The following CDH13 variants were observed in gnomAD, a reference collection of about 807,000 sequenced individuals.
CDH13 encodes the protein cadherin-13.
A neutral mutation model predicts 63.8 loss-of-function variants in CDH13; 24 were observed. The ratio of observed to expected loss-of-function variants is 0.38; its 90% CI spans 0.27 to 0.53. The LOEUF (loss-of-function observed/expected upper bound fraction) is 0.53. Ranked by LOEUF, CDH13 falls within the 20% of genes least tolerant of loss-of-function variation. The pLI, the probability that CDH13 is intolerant of heterozygous loss-of-function variation, is 0.85. For synonymous variants in CDH13, 503 were observed against 355.3 expected (o/e 1.42, Z -4.67); for missense variants, 1,049 against 903.1 (o/e 1.16, Z -2.07).
chr16:83,123,928 G>A lies in CDH13; in HGVS notation c.367-1457G>A, dbSNP rs149075914. ...TGGTATAAGATGATATCGCATTGTCGTTTCAATTTGCATTTCTCTGATGAT... is the reference window on the plus strand; with the variant it reads ...TGGTATAAGATGATATCGCATTGTCATTTCAATTTGCATTTCTCTGATGAT... On this transcript the variant is annotated intron_variant, in intron 3 of 13. Transcript: ENST00000567109. 1.3e-4 allele frequency among the ~76,000 whole-genome samples: 20 copies of A among 152,156 alleles called. No homozygotes were observed. The East Asian group carries it at 1.5e-3, about 12-fold the overall frequency.
At chr16:83,555,961 A>G (rs1017134443) in intron 7 of CDH13, among the ~76,000 whole-genome samples, 1 of 152,220 alleles carries the variant, frequency 6.6e-6, no homozygotes, top group Non-Finnish European at 1.5e-5. Context: ...GAGATAGACA[A>G]AGCTATGGCC....
intron 2 of CDH13, among the ~76,000 whole-genome samples, chr16:82,985,937 C>T (rs1296306743): frequency 1.3e-5 from 2 of 152,104 alleles, no homozygotes; most frequent in African/African-American, 4.8e-5. Context: ...TTTCACCTTC[C>T]ACCATGACTG....
At chr16:82,633,616 A>T (rs981530691) in intron 1 of CDH13, among the ~76,000 whole-genome samples, 1 of 152,076 alleles carries the variant, frequency 6.6e-6, no homozygotes, top group Non-Finnish European at 1.5e-5. Flanking sequence ...TGACCTCGTG[A>T]TCCACCTGCC....
intron 5 of CDH13, among the ~76,000 whole-genome samples, chr16:83,317,858 G>A (rs1254212821): frequency 6.6e-6 from 1 of 151,864 alleles, no homozygotes; most frequent in Non-Finnish European, 1.5e-5. Context: ...TCCCAAGTGG[G>A]GAAACTGAGG....
intron 1 of CDH13, among the ~76,000 whole-genome samples, chr16:82,774,156 G>A (rs1206388030): frequency 6.6e-6 from 1 of 151,958 alleles, no homozygotes; most frequent in African/African-American, 2.4e-5. Flanking sequence ...TTCCCTAATT[G>A]GTTGCCAACA....
chr16:83,586,768 G>T (rs1281424749), intron 7 of CDH13, among the ~76,000 whole-genome samples: 2 of 152,138 alleles, frequency 1.3e-5, no homozygotes, highest in East Asian at 3.9e-4. Flanking sequence ...ATAAAATCAC[G>T]GGGGGAGCCT....
intron 5 of CDH13, among the ~76,000 whole-genome samples, chr16:83,324,440 C>G (rs930805075): frequency 1.3e-5 from 2 of 152,192 alleles, no homozygotes; most frequent in African/African-American, 2.4e-5. Context: ...AACCACCAGT[C>G]TACTTCTTGT....
At chr16:83,240,722 T>G (rs1438383534) in intron 5 of CDH13, among the ~76,000 whole-genome samples, 9 of 77,662 alleles carry the variant, frequency 1.2e-4, no homozygotes, top group South Asian at 3.9e-4. Context: ...TTAATCTTTT[T>G]TTTTTTTTTT....
chr16:83,197,730 A>G (rs1360656112), intron 4 of CDH13, among the ~76,000 whole-genome samples: 1 of 152,030 alleles, frequency 6.6e-6, no homozygotes, highest in African/African-American at 2.4e-5. Flanking sequence ...ACGCAAGCCA[A>G]TACGTAGATA....
chr16:82,911,488 C>G (rs2041828290), intron 2 of CDH13, among the ~76,000 whole-genome samples: 1 of 152,146 alleles, frequency 6.6e-6, no homozygotes, highest in African/African-American at 2.4e-5. Context: ...TTGATGTTGC[C>G]TCCTGCCTGC....
intron 4 of CDH13, among the ~76,000 whole-genome samples, chr16:83,181,849 T>G (rs2038357892): frequency 6.6e-6 from 1 of 152,126 alleles, no homozygotes; most frequent in African/African-American, 2.4e-5. Flanking sequence ...TTGCATAGAT[T>G]TCCCATGGAG....
At chr16:82,888,462 T>C (rs1298240626) in intron 2 of CDH13, among the ~76,000 whole-genome samples, 2 of 152,182 alleles carry the variant, frequency 1.3e-5, no homozygotes, top group Non-Finnish European at 2.9e-5. Context: ...ACAGGGCAAA[T>C]GCCCCAGTGC....
intron 1 of CDH13, among the ~76,000 whole-genome samples, chr16:82,856,390 GAA>G (rs1234339038): frequency 8.5e-5 from 2 of 23,432 alleles, no homozygotes; most frequent in Non-Finnish European, 1.9e-4. Flanking sequence ...AAAAAAAAAA[GAA>G]AAGAAAAGAA....
intron 7 of CDH13, among the ~76,000 whole-genome samples, chr16:83,516,696 C>T (rs905159881): frequency 1.3e-5 from 2 of 152,148 alleles, no homozygotes; most frequent in Non-Finnish European, 2.9e-5. Flanking sequence ...CTCTTCCAGG[C>T]ACAGTATTTA....
chr16:82,743,087 C>T (rs997191124), intron 1 of CDH13, among the ~76,000 whole-genome samples: 2 of 152,132 alleles, frequency 1.3e-5, no homozygotes, highest in African/African-American at 4.8e-5. Flanking sequence ...ATGTAGCGCC[C>T]ACAACACCTT....
chr16:82,706,156 C>G (rs893935284), intron 1 of CDH13, among the ~76,000 whole-genome samples: 1 of 151,606 alleles, frequency 6.6e-6, no homozygotes, highest in African/African-American at 2.4e-5. Context: ...TTCCGCCTCC[C>G]TTCTCCCTTT....
chr16:83,630,010 C>T (rs1910638722), intron 8 of CDH13, among the ~76,000 whole-genome samples: 1 of 152,206 alleles, frequency 6.6e-6, no homozygotes, highest in Non-Finnish European at 1.5e-5. Flanking sequence ...CCCTTACTTC[C>T]CACATGACCT....
chr16:83,337,968 A>G (rs1275034376), intron 5 of CDH13, among the ~76,000 whole-genome samples: 1 of 152,138 alleles, frequency 6.6e-6, no homozygotes, highest in Non-Finnish European at 1.5e-5. Flanking sequence ...AAAAACATTC[A>G]GCAAGTGTGA....
chr16:83,365,408 C>A lies in CDH13; in HGVS notation c.781+20402C>A, dbSNP rs368991784. ...AGTCTAATAATTCAAATGGTAATCT[C>A]TTCCAGACATGCCCTTACATCCAGA... On this transcript the variant is annotated intron_variant, in intron 6 of 13. Coordinates refer to ENST00000567109, the MANE Select transcript of CDH13 (RefSeq NM_001257.5). Among the ~76,000 whole-genome samples the A allele has an allele frequency of 4.6e-5, 7 of 152,348 alleles. No individual in the cohort carries two copies. In the East Asian group the frequency reaches 1.2e-3, roughly 25 times the overall value.
Sources: allele counts gnomAD v4.1 joint callset (sites outside exome capture counted in the v4.1 genomes callset), GRCh38; gene constraint gnomAD v4.1.1; transcripts MANE v1.5; gene names NCBI Gene and HGNC (gene_info 2026-07-23, HGNC 2026-07-21).